Variants in PNPLA6 observed in about 807,000 individuals in gnomAD.
PNPLA6 encodes the protein patatin-like phospholipase domain-containing protein 6.
In PNPLA6, 105 loss-of-function variants were observed where a neutral mutation model predicts 153.7. The ratio of observed to expected loss-of-function variants is 0.68; its 90% CI spans 0.58 to 0.80. PNPLA6 has a LOEUF of 0.80. Among genes scored for constraint, PNPLA6 ranks in the 30% least tolerant of loss-of-function variants. The pLI is 0.00. For synonymous variants in PNPLA6, 825 were observed against 822.2 expected (o/e 1.00, Z -0.06); for missense variants, 1,423 against 1,919.3 (o/e 0.74, Z 4.83).
chr19:7,555,758 G>A lies in PNPLA6; in HGVS notation c.3088G>A (p.Ala1030Thr), dbSNP rs1383464234. The change falls in exon 24 of 32, where the codon GCC (alanine) becomes ACC (threonine). Residue 1030 changes from alanine (A) to threonine (T), a missense_variant. Transcript: ENST00000600737. This position sits in a 1 kb window ranked among gnomAD's most constrained non-coding sequence, Gnocchi z 6.3. The part of the protein sequence containing the change: ...SRTKQRAREW[A>T]KSMTSVLEPV... ...CACGAAGCAGCGGGCCCGGGAGTGG[G>A]CCAAGGTGTGTGTTGCGAGGAGGGA... The A allele has an allele frequency of 6.2e-7, 1 of 1,613,320 alleles. No individual in the cohort carries two copies. Among genetic ancestry groups the A allele is most frequent in the African/African-American group, 1.3e-5 (1 of 74,900 alleles).
chr19:7,543,297 A>C (rs1339564809), intron 13 of PNPLA6, among the ~76,000 whole-genome samples: 4 of 148,794 alleles, frequency 2.7e-5, no homozygotes, highest in Admixed American at 6.7e-5. Flanking sequence ...TCAACCCTTC[A>C]CCTGTGACCC....
At chr19:7,553,748 G>A in intron 18 of PNPLA6, 127 bp from the exon 19 acceptor site, 6 of 1,223,142 alleles carry the variant, frequency 4.9e-6, no homozygotes, top group Admixed American at 1.8e-5. Flanking sequence ...GGCAACTGGG[G>A]GCTGCAGTCT....
intron 26 of PNPLA6, 172 bp from the exon 27 acceptor site, chr19:7,556,996 C>A (rs1298193048): frequency 1.3e-6 from 1 of 749,414 alleles, no homozygotes; most frequent in Non-Finnish European, 2.4e-6. Flanking sequence ...CGGGCCAGCG[C>A]CTCCTACTGC....
chr19:7,536,005 A>T lies in PNPLA6; in HGVS notation c.217A>T (p.Arg73Trp). 1 of 1,576,590 alleles carries T rather than the reference A, an allele frequency of 6.3e-7. No individual in the cohort carries two copies. The highest frequency in any genetic ancestry group is 1.8e-4 in the Middle Eastern group (1 of 5,586). Residue 73 changes from arginine (R) to tryptophan (W), a missense_variant, in exon 1 of 32, where the codon AGG becomes TGG. This residue lies in a region of PNPLA6 where 109 missense variants were observed against 109.4 expected (regional missense o/e 1.00). Transcript: ENST00000600737. ...CGTGCTCATCCTCCTGGTGGTGCGG[A>T]GGCTGCGAGTGCCAAGTGAGCACCC... ...TAVLILLVVR[R>W]LRVPKTPAPD...
chr19:7,551,288 C>CA, intron 17 of PNPLA6, 74 bp from the exon 18 acceptor site: 1 of 1,459,058 alleles, frequency 6.9e-7, no homozygotes. Context: ...GGAGCCCCGG[C>CA]ATAGGAGGGA....
intron 27 of PNPLA6, 121 bp downstream of exon 27, chr19:7,557,405 G>GGTGCAGAC: frequency 1.4e-6 from 1 of 722,458 alleles, no homozygotes. Flanking sequence ...CCCATGCAGG[G>GGTGCAGAC]GTGCAGACAC....
chr19:7,535,439 C>T, upstream of PNPLA6: 1 of 1,137,722 alleles, frequency 8.8e-7, no homozygotes, highest in Non-Finnish European at 1.3e-6. The surrounding 1 kb of genome is among the most constrained non-coding windows in gnomAD (Gnocchi z 5.0). Context: ...GGGGGCAGGG[C>T]TTGAGGCAGG....
Position 7,542,750 on chromosome 19 carries a change from G to T in PNPLA6, c.1363-11G>T. ...GGGAGCATCAGGAGGTCACAAGCCT[G>T]CCCCACTCAGACCCCCACTCAGGAG... On this transcript the variant is annotated splice_polypyrimidine_tract_variant and intron_variant, in intron 11 of 31. Coordinates refer to ENST00000600737, the MANE Select transcript of PNPLA6 (RefSeq NM_001166114.2). 2 of 1,612,900 alleles carry T rather than the reference G, an allele frequency of 1.2e-6. No homozygotes were observed. Among genetic ancestry groups the T allele is most frequent in the South Asian group, 1.1e-5 (1 of 91,080 alleles).
chr19:7,536,702 C>T (rs2022887956), intron 3 of PNPLA6, among the ~76,000 whole-genome samples, 156 bp downstream of exon 3: 1 of 152,100 alleles, frequency 6.6e-6, no homozygotes, highest in South Asian at 2.1e-4. Flanking sequence ...CTAAGGCGGG[C>T]AGATCACCTG....
rs1193269793 is a variant in PNPLA6 at position 7,535,827 on chromosome 19, G to C, written c.39G>C (p.Ser13=). 2 of 1,537,134 alleles carry C rather than the reference G, an allele frequency of 1.3e-6. No homozygotes were observed. Among genetic ancestry groups the C allele is most frequent in the Non-Finnish European group, 8.7e-7 (1 of 1,146,848 alleles). ...GTCACGGGCTGGCTACGAACTCCTC[G>C]GGGGCGAAGGTGGCGGAGAGGGATG... ...TSSHGLATNS[S]GAKVAERDGF... Residue 13 remains serine (S), a synonymous_variant, in exon 1 of 32, where the codon TCG becomes TCC. Coordinates refer to ENST00000600737, the MANE Select transcript of PNPLA6 (RefSeq NM_001166114.2). The surrounding 1 kb of genome is among the most constrained non-coding windows in gnomAD (Gnocchi z 5.0).
At position 7,558,933 on chromosome 19, in the gene PNPLA6, G is replaced by A. The variant is rs776490050; in HGVS notation, c.3481G>A (p.Gly1161Arg). ...GGATGAGACGGACCTCAGCACCTACGGGGACAGCCTGTCCGGCTGGTGGCT... is the reference window on the plus strand; with the variant it reads ...GGATGAGACGGACCTCAGCACCTACAGGGACAGCCTGTCCGGCTGGTGGCT... Reference protein sequence around the residue: ...SQDETDLSTYGDSLSGWWLLW... With the variant: ...SQDETDLSTYRDSLSGWWLLW... The change falls in exon 28 of 32, where the codon GGG (glycine) becomes AGG (arginine). Residue 1161 changes from glycine to arginine, a missense_variant. Physicochemically the swap from Gly to Arg is moderately radical, Grantham distance 125. This residue lies in a region of PNPLA6 where 643 missense variants were observed against 835.2 expected (regional missense o/e 0.77). Coordinates refer to ENST00000600737, the MANE Select transcript of PNPLA6 (RefSeq NM_001166114.2). 30 of 1,613,990 alleles carry A rather than the reference G, an allele frequency of 1.9e-5. No homozygotes were observed. The highest frequency in any genetic ancestry group is 1.6e-4 in the Middle Eastern group (1 of 6,084).
intron 18 of PNPLA6, among the ~76,000 whole-genome samples, chr19:7,552,436 C>T (rs140482686): frequency 1.9e-3 from 294 of 152,230 alleles, no homozygotes; most frequent in African/African-American, 6.6e-3. Context: ...GGGGGCAGGG[C>T]GGTAGTGGCA....
chr19:7,553,733 C>T (rs1454107033), intron 18 of PNPLA6, 142 bp from the exon 19 acceptor site: 1 of 1,033,564 alleles, frequency 9.7e-7, no homozygotes, highest in Non-Finnish European at 1.5e-6. Context: ...AGAGTCAAGA[C>T]TTTGGGCAAC....
chr19:7,551,298 A>T (rs542032779), intron 17 of PNPLA6, 64 bp from the exon 18 acceptor site: 1 of 1,496,634 alleles, frequency 6.7e-7, no homozygotes, highest in East Asian at 2.3e-5. Context: ...CATAGGAGGG[A>T]GAGGTGGGAC....
rs547825303 is a variant in PNPLA6 at position 7,537,367 on chromosome 19, C to T, written c.413+821C>T. On this transcript the variant is annotated intron_variant, in intron 3 of 31. Coordinates refer to ENST00000600737, the MANE Select transcript of PNPLA6 (RefSeq NM_001166114.2). ...ATGTTATGGACCTTGAAGTTCTTCC[C>T]ACACTAAGGAGGCTGTCTCAGGAGT... Among the ~76,000 whole-genome samples, 8 of 152,250 alleles carry T rather than the reference C, an allele frequency of 5.3e-5. No individual in the cohort carries two copies. The South Asian group carries it at 1.7e-3, about 32-fold the overall frequency.
At chr19:7,547,154 C>T (rs1285493433) in intron 13 of PNPLA6, among the ~76,000 whole-genome samples, 1 of 152,194 alleles carries the variant, frequency 6.6e-6, no homozygotes, top group Non-Finnish European at 1.5e-5. Flanking sequence ...ATCCATCCAC[C>T]TCAGCTTCCC....
At chr19:7,544,078 G>A (rs2023280554) in intron 13 of PNPLA6, among the ~76,000 whole-genome samples, 1 of 151,748 alleles carries the variant, frequency 6.6e-6, no homozygotes, top group Admixed American at 6.6e-5. Flanking sequence ...CTTCCAAAGT[G>A]CTGGGATTAC....
Position 7,550,813 on chromosome 19 carries a change from C to T in PNPLA6, c.2070+173C>T, listed in dbSNP as rs934876390. On this transcript the variant is annotated intron_variant, in intron 16 of 31. Transcript: ENST00000600737. ...TTTCGTTGGAAAAAGGGGATTCCGCCTGTCGTGGATCCCTGTCCTCTCCCT... is the reference window on the plus strand; with the variant it reads ...TTTCGTTGGAAAAAGGGGATTCCGCTTGTCGTGGATCCCTGTCCTCTCCCT... 5 of 970,116 alleles carry T rather than the reference C, an allele frequency of 5.2e-6. No homozygotes were observed. In the African/African-American group the frequency reaches 6.4e-5, roughly 12 times the overall value. The allele number at this position is 970,116 out of a possible 1,614,324, so 60.1% of individuals were successfully genotyped here.
At chr19:7,554,046 T>TGGGGGGGGGGGG in intron 19 of PNPLA6, 31 bp downstream of exon 19, 4 of 535,094 alleles carry the variant, frequency 7.5e-6, no homozygotes, top group African/African-American at 2.6e-5. Context: ...GGGTGGGGGC[T>TGGGGGGGGGGGG]GGCGGTGGGT....
Sources: allele counts gnomAD v4.1 joint callset (sites outside exome capture counted in the v4.1 genomes callset), GRCh38; gene constraint gnomAD v4.1.1; regional missense constraint gnomAD v4.1.1; non-coding constraint Gnocchi (gnomAD v3.1); transcripts MANE v1.5; gene names NCBI Gene and HGNC (gene_info 2026-07-23, HGNC 2026-07-21).